B3GALT1: variants seen among roughly 807,000 people sequenced by gnomAD.
The protein encoded by B3GALT1 is UDP-Gal:betaGlcNAc beta 1,3-galactosyltransferase, polypeptide 1.
B3GALT1 carries 10 observed loss-of-function variants against 23.2 expected under a neutral mutation model. The observed-to-expected ratio is 0.43, with a 90% CI of 0.27 to 0.73. The LOEUF (loss-of-function observed/expected upper bound fraction) is 0.73, where lower values mean the gene tolerates loss of function less well. Among genes scored for constraint, B3GALT1 ranks in the 30% least tolerant of loss-of-function variants. The pLI, the probability that B3GALT1 is intolerant of heterozygous loss-of-function variation, is 0.21. For synonymous variants in B3GALT1, 156 were observed against 141.5 expected (o/e 1.10, Z -0.73); for missense variants, 299 against 405.4 (o/e 0.74, Z 2.25).
chr2:167,589,671 A>G (rs1684641966), intron 2 of B3GALT1, among the ~76,000 whole-genome samples: 1 of 152,086 alleles, frequency 6.6e-6, no homozygotes, highest in Admixed American at 6.5e-5. Flanking sequence ...TTATGCTGAC[A>G]CTAGTACTAC....
chr2:167,834,023 G>T (rs114868394), intron 4 of B3GALT1, among the ~76,000 whole-genome samples: 77 of 152,256 alleles, frequency 5.1e-4, no homozygotes, highest in African/African-American at 1.8e-3. Context: ...GTGAGGAGTA[G>T]AACTCTATTG....
At chr2:167,658,104 G>A (rs1165076665) in intron 3 of B3GALT1, among the ~76,000 whole-genome samples, 2 of 152,104 alleles carry the variant, frequency 1.3e-5, no homozygotes, top group African/African-American at 4.8e-5. Flanking sequence ...TGGTAAGTAT[G>A]TGCTATGTGC....
At chr2:167,703,681 A>T (rs953068433) in intron 3 of B3GALT1, among the ~76,000 whole-genome samples, 1 of 152,162 alleles carries the variant, frequency 6.6e-6, no homozygotes, top group African/African-American at 2.4e-5. Flanking sequence ...ACTTCCCTTT[A>T]TTGGAAGCTG....
At chr2:167,428,913 A>G (rs2105306182) in intron 1 of B3GALT1, among the ~76,000 whole-genome samples, 1 of 152,250 alleles carries the variant, frequency 6.6e-6, no homozygotes, top group South Asian at 2.1e-4. Context: ...TAATAAATAT[A>G]TTTATCGACA....
chr2:167,353,943 T>C (rs1697360562), intron 1 of B3GALT1, among the ~76,000 whole-genome samples: 1 of 152,170 alleles, frequency 6.6e-6, no homozygotes, highest in African/African-American at 2.4e-5. Flanking sequence ...TTTATGATCA[T>C]TGTGAAATCT....
chr2:167,866,274 A>G (rs1690216367), intron 4 of B3GALT1, among the ~76,000 whole-genome samples: 1 of 152,184 alleles, frequency 6.6e-6, no homozygotes, highest in Non-Finnish European at 1.5e-5. Context: ...GACAGTCTGC[A>G]GGACTTAACC....
At chr2:167,594,848 A>G (rs797020915) in intron 2 of B3GALT1, among the ~76,000 whole-genome samples, 6 of 152,188 alleles carry the variant, frequency 3.9e-5, no homozygotes, top group African/African-American at 1.4e-4. Flanking sequence ...GGAGGTTGCA[A>G]TCAGCCAAGA....
intron 2 of B3GALT1, among the ~76,000 whole-genome samples, chr2:167,634,112 C>G (rs760449766): frequency 6.6e-6 from 1 of 151,822 alleles, no homozygotes; most frequent in African/African-American, 2.4e-5. Flanking sequence ...AAATAAATAA[C>G]GAAATTAAGG....
chr2:167,683,583 T>C (rs1173451150), intron 3 of B3GALT1, among the ~76,000 whole-genome samples: 1 of 152,076 alleles, frequency 6.6e-6, no homozygotes, highest in Non-Finnish European at 1.5e-5. Flanking sequence ...TAGCTGGGCA[T>C]GGTGGTGGGT....
At chr2:167,604,149 A>G (rs769389876) in intron 2 of B3GALT1, among the ~76,000 whole-genome samples, 1 of 152,208 alleles carries the variant, frequency 6.6e-6, no homozygotes, top group African/African-American at 2.4e-5. Context: ...CACATACACA[A>G]TAAGTATTCT....
chr2:167,656,075 A>G (rs2105468306), intron 3 of B3GALT1, among the ~76,000 whole-genome samples: 1 of 152,248 alleles, frequency 6.6e-6, no homozygotes, highest in South Asian at 2.1e-4. Context: ...TAGTGGACTG[A>G]GATGGGGTGT....
chr2:167,508,104 C>G (rs1480586921), intron 2 of B3GALT1, among the ~76,000 whole-genome samples: 2 of 152,122 alleles, frequency 1.3e-5, no homozygotes, highest in Non-Finnish European at 1.5e-5. Flanking sequence ...TCTCAGAACT[C>G]TAATTCACTT....
chr2:167,684,456 A>G (rs1000007542), intron 3 of B3GALT1, among the ~76,000 whole-genome samples: 2 of 152,168 alleles, frequency 1.3e-5, no homozygotes, highest in African/African-American at 4.8e-5. Flanking sequence ...CTCTATTACT[A>G]ATTAACCCTC....
At chr2:167,378,181 G>A (rs1404891552) in intron 1 of B3GALT1, among the ~76,000 whole-genome samples, 1 of 152,164 alleles carries the variant, frequency 6.6e-6, no homozygotes, top group Non-Finnish European at 1.5e-5. Flanking sequence ...GGTTTCTGCT[G>A]ATAATTCCAC....
At chr2:167,507,295 A>G (rs1699933197) in intron 2 of B3GALT1, among the ~76,000 whole-genome samples, 1 of 151,908 alleles carries the variant, frequency 6.6e-6, no homozygotes, top group African/African-American at 2.4e-5. Flanking sequence ...TCATGAGGTC[A>G]GGAGATCAAG....
chr2:167,775,943 G>A (rs1688155004), intron 3 of B3GALT1, among the ~76,000 whole-genome samples: 2 of 151,408 alleles, frequency 1.3e-5, no homozygotes, highest in African/African-American at 4.9e-5. Flanking sequence ...TCAGGGACCT[G>A]TAACTAAATG....
At chr2:167,672,550 C>T (rs1012455913) in intron 3 of B3GALT1, among the ~76,000 whole-genome samples, 1 of 152,074 alleles carries the variant, frequency 6.6e-6, no homozygotes, top group Non-Finnish European at 1.5e-5. Context: ...TGATTAAGAG[C>T]CAGATACTCT....
chr2:167,610,722 G>C (rs1558923732), intron 2 of B3GALT1, among the ~76,000 whole-genome samples: 1 of 151,872 alleles, frequency 6.6e-6, no homozygotes. Context: ...ATGAGGAACA[G>C]GTATCTGTGT....
intron 1 of B3GALT1, among the ~76,000 whole-genome samples, chr2:167,346,719 T>A (rs796146176): frequency 4.4e-5 from 6 of 137,116 alleles, no homozygotes; most frequent in African/African-American, 1.6e-4. Context: ...TCTGCATGAT[T>A]AATTTCTGAG....
Sources: allele counts gnomAD v4.1 joint callset (sites outside exome capture counted in the v4.1 genomes callset), GRCh38; gene constraint gnomAD v4.1.1; transcripts MANE v1.5; gene names NCBI Gene and HGNC (gene_info 2026-07-23, HGNC 2026-07-21).